The following GALC variants were observed in gnomAD, a reference collection of about 807,000 sequenced individuals.
GALC encodes galactosylceramidase.
In GALC, 77 loss-of-function variants were observed where a neutral mutation model predicts 91.8. The observed-to-expected ratio is 0.84, with a 90% CI of 0.70 to 1.01. GALC has a LOEUF of 1.01. Ranked by LOEUF, GALC falls within the 50% of genes least tolerant of loss-of-function variation. The pLI, the probability that GALC is intolerant of heterozygous loss-of-function variation, is 0.00. For missense variants in GALC, 882 were observed against 855.9 expected, an observed-to-expected ratio of 1.03 and a Z score of -0.38; for synonymous variants, 357 against 306.7, an observed-to-expected ratio of 1.16 and a Z score of -1.71.
At chr14:87,954,816 A>T in intron 10 of GALC, 3 of 1,606,402 alleles carry the variant, frequency 1.9e-6, no homozygotes, top group African/African-American at 1.3e-5. Context: ...TGGAACTAGA[A>T]ACAGATAAGA....
chr14:87,989,499 T>C (rs1887108907), intron 1 of GALC: 3 of 152,250 alleles, frequency 2.0e-5, no homozygotes, highest in Admixed American at 2.0e-4. Flanking sequence ...ATAGCACTTT[T>C]GCATGTATCT....
chr14:87,976,533 T>C, intron 6 of GALC, 45 bp from the exon 7 acceptor site: 1 of 1,508,100 alleles, frequency 6.6e-7, no homozygotes, highest in Non-Finnish European at 9.2e-7. Context: ...ACAAATGAAT[T>C]TTTAGCTGTT....
At chr14:87,963,589 A>G (rs929412424) in intron 9 of GALC, 78 bp from the exon 10 acceptor site, 62 of 1,286,930 alleles carry the variant, frequency 4.8e-5, no homozygotes, top group South Asian at 6.4e-5. Flanking sequence ...AAAAAGCTGT[A>G]TATCAATTTG....
intron 11 of GALC, 59 bp downstream of exon 11, chr14:87,950,600 T>C (rs1885261634): frequency 5.5e-6 from 6 of 1,083,364 alleles, no homozygotes; most frequent in Non-Finnish European, 8.4e-6. Flanking sequence ...TACTGGCCTG[T>C]GACAGAATAT....
chr14:87,962,421 T>C (rs558888156), intron 10 of GALC, among the ~76,000 whole-genome samples: 5 of 152,272 alleles, frequency 3.3e-5, no homozygotes, highest in African/African-American at 4.8e-5. Context: ...AGTCACTTAA[T>C]AGACACCTTT....
At chr14:87,993,457 G>A (rs1016121541), upstream of GALC, 2 of 1,535,852 alleles carry the variant, frequency 1.3e-6, no homozygotes, top group Admixed American at 3.9e-5. Flanking sequence ...TCCGCCAAAG[G>A]AAGAGGGCCA....
intron 7 of GALC, among the ~76,000 whole-genome samples, chr14:87,969,313 T>C (rs1364915000): frequency 1.3e-5 from 2 of 152,156 alleles, no homozygotes; most frequent in Non-Finnish European, 2.9e-5. Flanking sequence ...AAATTATCCA[T>C]TGAAAATATC....
chr14:87,952,216 T>C (rs1247078344), intron 10 of GALC, among the ~76,000 whole-genome samples: 1 of 151,614 alleles, frequency 6.6e-6, no homozygotes, highest in African/African-American at 2.4e-5. Flanking sequence ...ATCAATACAG[T>C]TGAAAAACTT....
At chr14:87,970,294 C>G (rs1886232252) in intron 7 of GALC, among the ~76,000 whole-genome samples, 1 of 151,980 alleles carries the variant, frequency 6.6e-6, no homozygotes, top group Admixed American at 6.6e-5. Flanking sequence ...AAGTAATATG[C>G]TAGCATGTTA....
chr14:87,988,504 A>G lies in GALC; in HGVS notation c.215T>C (p.Val72Ala). The change falls in exon 2 of 17, where the codon GTA becomes GCA. Residue 72 changes from valine (V) to alanine (A), a missense_variant. Physicochemically the swap from Val to Ala is moderately conservative, Grantham distance 64 (BLOSUM62 0). Coordinates refer to ENST00000261304, the MANE Select transcript of GALC (RefSeq NM_000153.4). ...AGAACGATAGGGCTCTGGGTAATTT[A>G]CTAGAAGTCGGGAGGTTGCCTAAAA... The part of the protein sequence containing the change: ...SGGGATSRLL[V>A]NYPEPYRSQI... 1 of 1,612,012 alleles carries G rather than the reference A, an allele frequency of 6.2e-7. No homozygotes were observed. The highest frequency in any genetic ancestry group is 2.2e-5 in the East Asian group (1 of 44,868).
At chr14:87,964,463 T>C (rs1220928471) in intron 9 of GALC, among the ~76,000 whole-genome samples, 2 of 152,284 alleles carry the variant, frequency 1.3e-5, no homozygotes, top group Non-Finnish European at 2.9e-5. Context: ...TATAATCTTT[T>C]ACAAAAAAAC....
At chr14:87,984,330 A>T in intron 5 of GALC, 64 bp downstream of exon 5, 1 of 1,517,682 alleles carries the variant, frequency 6.6e-7, no homozygotes, top group African/African-American at 1.4e-5. Flanking sequence ...CCACAGAATC[A>T]AATTATTTTC....
At chr14:87,970,875 CAAAAAAAAAA>C (rs557589251) in intron 7 of GALC, among the ~76,000 whole-genome samples, 1 of 62,980 alleles carries the variant, frequency 1.6e-5, no homozygotes, top group African/African-American at 7.1e-5. Context: ...GACTCTGTCT[CAAAAAAAAAA>C]AAAAAAAAAA....
In GALC at chr14:87,988,472, A is replaced by G. The variant is rs753469861; in HGVS notation, c.247T>C (p.Leu83=). 20 of 1,607,530 alleles carry G rather than the reference A, an allele frequency of 1.2e-5. No individual in the cohort carries two copies. The East Asian group carries it at 3.3e-4, about 27-fold the overall frequency. ...NYPEPYRSQI[L]DYLFKPNFGA... is the part of the protein sequence containing the mutation. ...TTCATTACCTTAAAGAGATAATCCA[A>G]TATCTGAGAACGATAGGGCTCTGGG... Residue 83 remains leucine, a synonymous_variant, in exon 2 of 17, where the codon TTG becomes CTG. Coordinates refer to ENST00000261304, the MANE Select transcript of GALC (RefSeq NM_000153.4).
rs1885268471 is a variant in GALC, at chr14:87,950,724, G to GT, written c.1185dup (p.Arg396ThrfsTer19). The GT allele has an allele frequency of 1.3e-6, 2 of 1,599,168 alleles. No individual in the cohort carries two copies. The highest frequency in any genetic ancestry group is 1.7e-6 in the Non-Finnish European group (2 of 1,172,192). On this transcript the variant is annotated frameshift_variant, in exon 11 of 17. Coordinates refer to ENST00000261304, the MANE Select transcript of GALC (RefSeq NM_000153.4). LOFTEE classifies it high-confidence loss of function. ...ACATTGAAATAAGGAAGAAATGGCC[G>GT]TATGCACTTAGAATGTTTATGACTC...
intron 8 of GALC, 104 bp downstream of exon 8, chr14:87,968,231 A>G (rs1333994493): frequency 1.1e-6 from 1 of 943,102 alleles, no homozygotes; most frequent in Non-Finnish European, 1.6e-6. Context: ...AATGTTTACA[A>G]TCATTGAATC....
chr14:87,980,555 G>A, intron 6 of GALC: 1 of 888,810 alleles, frequency 1.1e-6, no homozygotes, highest in African/African-American at 1.8e-5. Flanking sequence ...TTAGCAAAGT[G>A]GAGAGTTCCT....
Position 87,953,633 on chromosome 14 carries a change from C to A in GALC, c.1162-2885G>T, listed in dbSNP as rs979048298. The A allele has an allele frequency of 1.9e-6, 3 of 1,609,560 alleles. No homozygotes were observed. The African/African-American group carries it at 4.0e-5, about 22-fold the overall frequency. On this transcript the variant is annotated intron_variant, in intron 10 of 16. Coordinates refer to ENST00000261304, the MANE Select transcript of GALC (RefSeq NM_000153.4). The stretch of plus-strand genomic sequence containing the variant: ...AAAAGTGCTATTAAAAGAAGCTGCA[C>A]CTCTGAAGATAAAGTGGGCCAGTCT...
intron 10 of GALC, among the ~76,000 whole-genome samples, chr14:87,956,422 G>A (rs1885547375): frequency 6.6e-6 from 1 of 151,704 alleles, no homozygotes; most frequent in Admixed American, 6.6e-5. Context: ...TTATATATAA[G>A]GTCCAGTTTC....
Sources: gnomAD v4.1 joint callset for allele counts (sites outside exome capture counted in the v4.1 genomes callset) on GRCh38, gnomAD v4.1.1 for gene constraint, MANE v1.5 for transcripts, NCBI Gene and HGNC (gene_info 2026-07-23, HGNC 2026-07-21) for gene names.